FHIP1B: variants seen among roughly 807,000 people sequenced by gnomAD.
The protein encoded by FHIP1B is FHF complex subunit HOOK-interacting protein 1B.
FHIP1B carries 28 observed loss-of-function variants against 82.2 expected under a neutral mutation model. The ratio of observed to expected loss-of-function variants is 0.34; its 90% CI spans 0.25 to 0.47. The LOEUF (loss-of-function observed/expected upper bound fraction) is 0.47. Ranked by LOEUF, FHIP1B falls within the 20% of genes least tolerant of loss-of-function variation. The probability of loss-of-function intolerance (pLI) is 1.00; values close to 1 mark genes in which losing one functional copy is unlikely to be tolerated. For synonymous variants in FHIP1B, 585 were observed against 516.1 expected, an observed-to-expected ratio of 1.13 and a Z score of -1.81; for missense variants, 1,110 against 1,262.6, an observed-to-expected ratio of 0.88 and a Z score of 1.83.
At chr11:6,218,815 G>A (rs1847325187) in intron 7 of FHIP1B, 52 bp from the exon 8 acceptor site, 2 of 1,594,492 alleles carry the variant, frequency 1.3e-6, no homozygotes, top group South Asian at 2.2e-5. Context: ...AGGAAGGACA[G>A]GGCCTAGAGG....
Position 6,223,822 on chromosome 11 carries a change from G to C in FHIP1B, c.565C>G (p.Gln189Glu). ...AAGAACTCGAGCAATGAAGGCTCCT[G>C]GGCCACACAAACACACAGCTGGCTG... ...LLSQLCVCVA[Q>E]EPSLLEFFLQ... is the part of the protein sequence containing the mutation. Residue 189 changes from glutamine to glutamate, a missense_variant, in exon 3 of 12, where the codon CAG becomes GAG. Around this residue, in one of 6 missense-constraint regions of FHIP1B, gnomAD observed 467 missense variants for 602.9 expected, o/e 0.77. Transcript: ENST00000449352. The surrounding 1 kb of genome is among the most constrained non-coding windows in gnomAD (Gnocchi z 4.8). 1 of 1,614,202 alleles carries C rather than the reference G, an allele frequency of 6.2e-7. No homozygotes were observed.
In FHIP1B at chr11:6,217,797, G is replaced by A; in HGVS notation, c.1789C>T (p.Leu597=). The part of the protein sequence containing the change: ...PFGSRTKKRS[L]LPEEDRNNVG... The stretch of plus-strand genomic sequence containing the variant: ...TTGTTCCTGTCCTCCTCAGGCAGTA[G>A]GCTGCGTTTCTTAGTCCGGGAGCCA... The change falls in exon 9 of 12, where the codon CTA becomes TTA. Residue 597 remains leucine, a synonymous_variant. Coordinates refer to ENST00000449352, the MANE Select transcript of FHIP1B (RefSeq NM_001098794.2). The A allele has an allele frequency of 6.2e-7, 1 of 1,611,804 alleles. No individual in the cohort carries two copies. The highest frequency in any genetic ancestry group is 2.2e-5 in the East Asian group (1 of 44,806).
In FHIP1B at chr11:6,218,965, A is replaced by G; in HGVS notation, c.1271+6T>C. The G allele has an allele frequency of 6.2e-7, 1 of 1,613,924 alleles. No homozygotes were observed. Among genetic ancestry groups the G allele is most frequent in the Non-Finnish European group, 8.5e-7 (1 of 1,179,866 alleles). On this transcript the variant is annotated splice_donor_region_variant and intron_variant, in intron 7 of 11. Coordinates refer to ENST00000449352, the MANE Select transcript of FHIP1B (RefSeq NM_001098794.2). ...AGCCATCCCTCAGCCCTGCCCCAAC[A>G]GATACCTGAGAACCAGCTGCAGCAG...
rs533916366 is a variant in FHIP1B at position 6,223,939 on chromosome 11, G to C, written c.448C>G (p.Pro150Ala). The change falls in exon 3 of 12, where the codon CCA (proline) becomes GCA (alanine). Residue 150 changes from proline (P) to alanine (A), a missense_variant. Transcript: ENST00000449352. The surrounding 1 kb of genome is among the most constrained non-coding windows in gnomAD (Gnocchi z 4.8). Reference sequence around the variant, plus strand: ...AGGGTGAGCAGAGCCTCACGAACTGGACCATGCCGCAACAGTGGCTGGCGA... The same window carrying C: ...AGGGTGAGCAGAGCCTCACGAACTGCACCATGCCGCAACAGTGGCTGGCGA... Reference protein sequence around the residue: ...EARQPLLRHGPVREALLTLLD... With the variant: ...EARQPLLRHGAVREALLTLLD... 3 of 1,614,218 alleles carry C rather than the reference G, an allele frequency of 1.9e-6. No homozygotes were observed. Among genetic ancestry groups the C allele is most frequent in the Admixed American group, 3.3e-5 (2 of 60,036 alleles).
intron 6 of FHIP1B, among the ~76,000 whole-genome samples, chr11:6,221,591 C>T (rs1005969784): frequency 2.0e-5 from 3 of 152,158 alleles, no homozygotes; most frequent in Non-Finnish European, 2.9e-5. Flanking sequence ...TTGCTCACTA[C>T]ACCTCTAGTC....
At position 6,217,920 on chromosome 11, in the gene FHIP1B, G is replaced by A. The variant is rs761488090; in HGVS notation, c.1666C>T (p.Arg556Cys). The A allele has an allele frequency of 9.3e-6, 15 of 1,612,608 alleles. No homozygotes were observed. The highest frequency in any genetic ancestry group is 4.0e-5 in the African/African-American group (3 of 74,922). ...ELEDNYLEYL[R>C]EARRGVDRCV... is the part of the protein sequence containing the mutation. ...CGGTCCACACCACGACGTGCCTCAC[G>A]CAGATACTCCAGGTAATTGTCTTCC... The change falls in exon 9 of 12, where the codon CGT becomes TGT. Residue 556 changes from arginine to cysteine, a missense_variant. Around this residue, in one of 6 missense-constraint regions of FHIP1B, gnomAD observed 418 missense variants for 371.4 expected, o/e 1.13. Coordinates refer to ENST00000449352, the MANE Select transcript of FHIP1B (RefSeq NM_001098794.2).
chr11:6,221,716 A>C (rs943704183), intron 6 of FHIP1B, among the ~76,000 whole-genome samples: 1 of 151,798 alleles, frequency 6.6e-6, no homozygotes, highest in Non-Finnish European at 1.5e-5. Flanking sequence ...TATAATCTCT[A>C]TGTCTCAGTT....
Position 6,217,484 on chromosome 11 carries a change from G to GGCA in FHIP1B, c.2099_2101dup (p.Leu700dup). On this transcript the variant is annotated inframe_insertion, in exon 9 of 12. Coordinates refer to ENST00000449352, the MANE Select transcript of FHIP1B (RefSeq NM_001098794.2). Reference sequence around the variant, plus strand: ...CTCGTAGGCCTCCTCCTCCTCAAGGGGCAGTGGAGGTTCTAAGGGGGACTC... The same window carrying GGCA: ...CTCGTAGGCCTCCTCCTCCTCAAGGGGCAGCAGTGGAGGTTCTAAGGGGGACTC... 1 of 1,613,588 alleles carries GGCA rather than the reference G, an allele frequency of 6.2e-7. No individual in the cohort carries two copies. The highest frequency in any genetic ancestry group is 8.5e-7 in the Non-Finnish European group (1 of 1,179,724).
At position 6,217,397 on chromosome 11, in the gene FHIP1B, T is replaced by C. The variant is rs776428818; in HGVS notation, c.2189A>G (p.Asn730Ser). The part of the protein sequence containing the change: ...PFLSSPLRTL[N>S]QLPSQPFTGP... Reference sequence around the variant, plus strand: ...AGTGAAGGGCTGGCTTGGCAGCTGGTTGAGAGTCCGCAAAGGGCTGCTGAG... The same window carrying C: ...AGTGAAGGGCTGGCTTGGCAGCTGGCTGAGAGTCCGCAAAGGGCTGCTGAG... The change falls in exon 9 of 12, where the codon AAC (asparagine) becomes AGC (serine). Residue 730 changes from asparagine to serine, a missense_variant. Asn to Ser is a conservative substitution (Grantham distance 46, BLOSUM62 1). Around this residue, in one of 6 missense-constraint regions of FHIP1B, gnomAD observed 418 missense variants for 371.4 expected, o/e 1.13. Coordinates refer to ENST00000449352, the MANE Select transcript of FHIP1B (RefSeq NM_001098794.2). The C allele has an allele frequency of 3.1e-6, 5 of 1,613,890 alleles. No individual in the cohort carries two copies. The highest frequency in any genetic ancestry group is 3.3e-5 in the Admixed American group (2 of 60,000).
chr11:6,212,036 G>A lies in FHIP1B; in HGVS notation c.2558-169C>T, dbSNP rs984994311. 9 of 881,650 alleles carry A rather than the reference G, an allele frequency of 1.0e-5. No homozygotes were observed. In the African/African-American group the frequency reaches 1.5e-4, roughly 14 times the overall value. The allele number at this position is 881,650 out of a possible 1,614,324, so 54.6% of individuals were successfully genotyped here. ...AAATGAACCTCAGGTACCATTTCCT[G>A]TCCCATCCCTGAAGTTGACTCTGAG... On this transcript the variant is annotated intron_variant, in intron 11 of 11. Transcript: ENST00000449352.
chr11:6,217,731 GC>G lies in FHIP1B; in HGVS notation c.1854del (p.Arg619GlyfsTer43). 2 of 640,668 alleles carry G rather than the reference GC, an allele frequency of 3.1e-6. No individual in the cohort carries two copies. The highest frequency in any genetic ancestry group is 2.0e-5 in the South Asian group (1 of 50,642). 39.7% of individuals were successfully genotyped at this position (640,668 alleles called of 1,614,324 possible). ...EGEEEELGRR[G>X]RAGGAGEGPG... is the part of the protein sequence containing the mutation. The stretch of plus-strand genomic sequence containing the variant: ...GGGCCCTCCCCTGCACCCCCAGCCC[GC>G]CCCCTCCTCCCCAGCTCTTCCTCCT... On this transcript the variant is annotated frameshift_variant, in exon 9 of 12. Coordinates refer to ENST00000449352, the MANE Select transcript of FHIP1B (RefSeq NM_001098794.2). LOFTEE classifies it high-confidence loss of function.
intron 1 of FHIP1B, among the ~76,000 whole-genome samples, chr11:6,231,783 G>A (rs545132374): frequency 7.2e-5 from 11 of 152,144 alleles, no homozygotes; most frequent in African/African-American, 2.2e-4. Context: ...AATGCTAGGC[G>A]TGAGCCACTA....
chr11:6,223,778 C>G lies in FHIP1B; in HGVS notation c.609G>C (p.Glu203Asp), dbSNP rs780569154. ...GAAGAAGACGGGGAGCGGCTCCAGG[C>G]TCAGGAGGTGGCTGCAGGAAGAACT... ...LLEFFLQPPP[E>D]PGAAPRLLLF... The change falls in exon 3 of 12, where the codon GAG becomes GAC. Residue 203 changes from glutamate to aspartate, a missense_variant. This residue lies in a region of FHIP1B where 467 missense variants were observed against 602.9 expected (regional missense o/e 0.77). Transcript: ENST00000449352. This position sits in a 1 kb window ranked among gnomAD's most constrained non-coding sequence, Gnocchi z 4.8. The G allele has an allele frequency of 3.7e-6, 6 of 1,614,210 alleles. No homozygotes were observed. The highest frequency in any genetic ancestry group is 5.1e-6 in the Non-Finnish European group (6 of 1,180,024).
At position 6,224,208 on chromosome 11, in the gene FHIP1B, G is replaced by A. The variant is rs150856122; in HGVS notation, c.179C>T (p.Pro60Leu). ...ILERQGPRAAPGGADDLSAVR... is the reference protein window; with the variant it reads ...ILERQGPRAALGGADDLSAVR... ...AGCACTGAGATCGTCTGCACCCCCA[G>A]GAGCTGCCCGAGGGCCTTGCCGCTC... The change falls in exon 3 of 12, where the codon CCT (proline) becomes CTT (leucine). Residue 60 changes from proline to leucine, a missense_variant. This residue lies in a region of FHIP1B where 467 missense variants were observed against 602.9 expected (regional missense o/e 0.77). Transcript: ENST00000449352. 5.0e-6 allele frequency: 8 copies of A among 1,611,568 alleles called. No homozygotes were observed. Among genetic ancestry groups the A allele is most frequent in the Non-Finnish European group, 4.2e-6 (5 of 1,178,564 alleles).
At chr11:6,215,013 A>G (rs1372964482) in intron 9 of FHIP1B, 102 bp from the exon 10 acceptor site, 31 of 1,160,156 alleles carry the variant, frequency 2.7e-5, no homozygotes, top group Non-Finnish European at 3.5e-5. Context: ...GATGAAAAGT[A>G]TTTGTATGTC....
At chr11:6,224,828 C>A in intron 1 of FHIP1B, 121 bp from the exon 2 acceptor site, 1 of 255,416 alleles carries the variant, frequency 3.9e-6, no homozygotes, top group East Asian at 7.8e-5. Context: ...ACACAATCAG[C>A]AACTGACATG....
At chr11:6,219,805 T>C (rs1408944467) in intron 6 of FHIP1B, among the ~76,000 whole-genome samples, 1 of 152,242 alleles carries the variant, frequency 6.6e-6, no homozygotes, top group Non-Finnish European at 1.5e-5. Flanking sequence ...TTGAGCTCCC[T>C]GAAGACAACG....
chr11:6,219,096 GC>G, intron 6 of FHIP1B, 46 bp from the exon 7 acceptor site: 1 of 1,467,086 alleles, frequency 6.8e-7, no homozygotes, highest in Non-Finnish European at 9.4e-7. Flanking sequence ...AGAGCTCTCT[GC>G]CCTCCAAGCC....
At chr11:6,231,749 G>A (rs958912975) in intron 1 of FHIP1B, among the ~76,000 whole-genome samples, 6 of 152,066 alleles carry the variant, frequency 3.9e-5, no homozygotes, top group Admixed American at 2.0e-4. Context: ...GAAGTCAAGC[G>A]ATCTGCCTGC....
Sources: gnomAD v4.1 joint callset for allele counts (sites outside exome capture counted in the v4.1 genomes callset) on GRCh38, gnomAD v4.1.1 for gene constraint, gnomAD v4.1.1 regional missense constraint, Gnocchi (gnomAD v3.1) non-coding constraint, MANE v1.5 for transcripts, NCBI Gene and HGNC (gene_info 2026-07-23, HGNC 2026-07-21) for gene names.